CSMD1: variants seen among roughly 807,000 people sequenced by gnomAD.
CSMD1 encodes the protein CUB and Sushi multiple domains 1, also known as CUB and sushi domain-containing protein 1.
CSMD1 carries 213 observed loss-of-function variants against 417.5 expected under a neutral mutation model. The ratio of observed to expected loss-of-function variants is 0.51; its 90% CI spans 0.46 to 0.57. The LOEUF (loss-of-function observed/expected upper bound fraction) is 0.57, where lower values mean the gene tolerates loss of function less well. Ranked by LOEUF, CSMD1 falls within the 20% of genes least tolerant of loss-of-function variation. CSMD1 has a pLI of 0.00. For synonymous variants in CSMD1, 2,862 were observed against 1,736.8 expected, an observed-to-expected ratio of 1.65 and a Z score of -16.11; for missense variants, 6,923 against 4,529.7, an observed-to-expected ratio of 1.53 and a Z score of -15.17.
intron 3 of CSMD1, among the ~76,000 whole-genome samples, chr8:4,047,986 T>G (rs756146722): frequency 1.2e-4 from 19 of 152,344 alleles, no homozygotes; most frequent in Middle Eastern, 6.8e-3. Flanking sequence ...CTTTTCATCC[T>G]GAGAGCTTTA....
chr8:4,741,888 C>T (rs1480687657), intron 1 of CSMD1, among the ~76,000 whole-genome samples: 2 of 151,038 alleles, frequency 1.3e-5, no homozygotes, highest in Non-Finnish European at 2.9e-5. Context: ...GGCTGGAGTA[C>T]AGTAGCATGA....
At chr8:4,397,845 G>A (rs779432072) in intron 3 of CSMD1, among the ~76,000 whole-genome samples, 3 of 151,926 alleles carry the variant, frequency 2.0e-5, no homozygotes, top group Non-Finnish European at 4.4e-5. Flanking sequence ...TGTAATGTCA[G>A]GATACATCTT....
intron 5 of CSMD1, among the ~76,000 whole-genome samples, chr8:3,922,101 A>T (rs1369526960): frequency 6.6e-6 from 1 of 151,826 alleles, no homozygotes; most frequent in Non-Finnish European, 1.5e-5. Flanking sequence ...AGTTTTCATG[A>T]ATTGACCCCT....
At chr8:2,949,449 C>T (rs1802475450) in intron 67 of CSMD1, 63 bp from the exon 68 acceptor site, 4 of 777,374 alleles carry the variant, frequency 5.1e-6, no homozygotes, top group East Asian at 2.7e-5. Context: ...ATAATATCCT[C>T]TTTTAATATA....
intron 1 of CSMD1, among the ~76,000 whole-genome samples, chr8:4,680,620 G>T (rs965641436): frequency 6.6e-6 from 1 of 152,010 alleles, no homozygotes; most frequent in Non-Finnish European, 1.5e-5. Context: ...TTCCTCTGTT[G>T]CCAGGCTGGA....
intron 10 of CSMD1, among the ~76,000 whole-genome samples, chr8:3,520,273 G>C (rs1797453370): frequency 6.6e-6 from 1 of 151,994 alleles, no homozygotes; most frequent in South Asian, 2.1e-4. Context: ...TACCAAACTT[G>C]AAGTTTCAAC....
chr8:3,210,045 C>A (rs111383039), intron 30 of CSMD1, among the ~76,000 whole-genome samples: 1 of 152,150 alleles, frequency 6.6e-6, no homozygotes, highest in Non-Finnish European at 1.5e-5. Flanking sequence ...CATTACCCCA[C>A]GCATCTAAAA....
chr8:4,761,896 T>TATCA (rs1468029822), intron 1 of CSMD1, among the ~76,000 whole-genome samples: 42 of 88,844 alleles, frequency 4.7e-4, no homozygotes, highest in African/African-American at 1.4e-3. Flanking sequence ...TCTACCTACC[T>TATCA]ATCTATCTAT....
intron 4 of CSMD1, among the ~76,000 whole-genome samples, chr8:4,001,914 A>G (rs1276698903): frequency 1.3e-5 from 2 of 152,142 alleles, no homozygotes; most frequent in Non-Finnish European, 2.9e-5. Context: ...AAATTCCCAA[A>G]CCTTATGACT....
intron 2 of CSMD1, among the ~76,000 whole-genome samples, chr8:4,429,334 A>T (rs138334802): frequency 5.3e-5 from 8 of 152,072 alleles, no homozygotes; most frequent in African/African-American, 1.9e-4. Flanking sequence ...TTACATGTGT[A>T]TATGTGTGTA....
At chr8:3,836,625 C>T (rs1392419317) in intron 5 of CSMD1, among the ~76,000 whole-genome samples, 1 of 152,032 alleles carries the variant, frequency 6.6e-6, no homozygotes, top group Non-Finnish European at 1.5e-5. Context: ...TGGTATTTGA[C>T]CTGAATCAAA....
intron 5 of CSMD1, among the ~76,000 whole-genome samples, chr8:3,791,318 G>C (rs527892380): frequency 4.6e-5 from 7 of 152,142 alleles, no homozygotes; most frequent in Admixed American, 1.3e-4. Flanking sequence ...CTGAATTTAA[G>C]TATAGTAGAA....
chr8:4,805,173 CTCGTTTGTATAGA>C (rs1299923369), intron 1 of CSMD1, among the ~76,000 whole-genome samples: 5 of 152,128 alleles, frequency 3.3e-5, no homozygotes, highest in Non-Finnish European at 4.4e-5. Context: ...TGTCAGTTTA[CTCGTTTGTATAGA>C]GAGATAATAT....
intron 10 of CSMD1, among the ~76,000 whole-genome samples, chr8:3,571,501 A>T (rs1799940098): frequency 6.6e-6 from 1 of 152,212 alleles, no homozygotes; most frequent in African/African-American, 2.4e-5. Context: ...CTCCTCTGCG[A>T]CAGAAGCAAG....
intron 59 of CSMD1, among the ~76,000 whole-genome samples, chr8:2,963,747 TCAGATGACA>T (rs1803701134): frequency 6.6e-6 from 1 of 152,208 alleles, no homozygotes; most frequent in African/African-American, 2.4e-5. Flanking sequence ...GAGGATTTGG[TCAGATGACA>T]CAAATTTATA....
intron 3 of CSMD1, among the ~76,000 whole-genome samples, chr8:4,171,491 A>G (rs189955963): frequency 6.6e-6 from 1 of 151,906 alleles, no homozygotes; most frequent in Non-Finnish European, 1.5e-5. Context: ...ACAGATGCAT[A>G]TGTGATCAAT....
intron 4 of CSMD1, among the ~76,000 whole-genome samples, chr8:4,016,827 T>C (rs116649013): frequency 0.011 from 1,696 of 152,316 alleles, 29 homozygotes; most frequent in East Asian, 0.055. Context: ...CATGAGGTTG[T>C]TGGAAGTCAT....
intron 3 of CSMD1, among the ~76,000 whole-genome samples, chr8:4,279,901 G>A (rs1186336665): frequency 6.6e-6 from 1 of 152,156 alleles, no homozygotes; most frequent in African/African-American, 2.4e-5. Flanking sequence ...AAAAGCTTGT[G>A]TTCTATACAT....
chr8:4,143,197 T>C (rs1803897512), intron 3 of CSMD1, among the ~76,000 whole-genome samples: 1 of 151,122 alleles, frequency 6.6e-6, no homozygotes, highest in Non-Finnish European at 1.5e-5. Flanking sequence ...GCTGAGAATG[T>C]TTCCCTGTCC....
Sources: gnomAD v4.1 joint callset for allele counts (sites outside exome capture counted in the v4.1 genomes callset) on GRCh38, gnomAD v4.1.1 for gene constraint, MANE v1.5 for transcripts, NCBI Gene and HGNC (gene_info 2026-07-23, HGNC 2026-07-21) for gene names.